Variants in SPRED3 observed in about 807,000 individuals in gnomAD.
SPRED3 encodes the protein sprouty-related, EVH1 domain-containing protein 3.
Under a neutral mutation model 37.6 loss-of-function variants are expected in SPRED3, and 23 were observed. That is an observed-to-expected ratio of 0.61 (90% CI 0.44 to 0.87). SPRED3 has a LOEUF of 0.87. SPRED3 is among the 40% of genes least tolerant of loss of function. SPRED3 has a pLI of 0.00. For synonymous variants in SPRED3, 302 were observed against 279.6 expected (o/e 1.08, Z -0.80); for missense variants, 584 against 618.6 (o/e 0.94, Z 0.59).
At position 38,398,170 on chromosome 19, in the gene SPRED3, C is replaced by A. The variant is rs2145165756; in HGVS notation, c.*2025C>A. ...TTCAAGCACAACCTTAATTCCTAGT[C>A]CAGGTTCAAGTCCCACCTTTTATGT... On this transcript the variant is annotated 3_prime_UTR_variant, in exon 6 of 6. Coordinates refer to ENST00000691638, the MANE Select transcript of SPRED3 (RefSeq NM_001394336.1). The A allele has an allele frequency of 6.6e-6, 1 of 152,386 alleles. No individual in the cohort carries two copies. The highest frequency in any genetic ancestry group is 3.4e-3 in the Middle Eastern group (1 of 294). 9.4% of individuals were successfully genotyped at this position (152,386 alleles called of 1,614,324 possible).
chr19:38,395,808 A>G lies in SPRED3; in HGVS notation c.896A>G (p.His299Arg). ...PEAEEAARCV[H>R]CRALFRRRAD... ...GCGGAGGAGGCAGCGCGCTGCGTGC[A>G]TTGCCGCGCGCTCTTCCGTCGCAGA... Residue 299 changes from histidine to arginine, a missense_variant, in exon 6 of 6, where the codon CAT (histidine) becomes CGT (arginine). Physicochemically the swap from His to Arg is conservative, Grantham distance 29 (BLOSUM62 0). This residue lies in a region of SPRED3 where 5 missense variants were observed against 19.3 expected (regional missense o/e 0.26). Transcript: ENST00000691638. This position sits in a 1 kb window ranked among gnomAD's most constrained non-coding sequence, Gnocchi z 5.2. 6.8e-7 allele frequency: 1 copy of G among 1,464,178 alleles called. No homozygotes were observed. 90.7% of individuals were successfully genotyped at this position (1,464,178 alleles called of 1,614,324 possible).
At chr19:38,389,078 C>T (rs926369786) in intron 1 of SPRED3, among the ~76,000 whole-genome samples, 1 of 152,236 alleles carries the variant, frequency 6.6e-6, no homozygotes, top group Non-Finnish European at 1.5e-5. Context: ...CCACTCCCCC[C>T]GGGGGACACA....
chr19:38,395,347 T>C lies in SPRED3; in HGVS notation c.568-133T>C. ...TCTGTCCCTGGAGAAAAGTGGGGAT[T>C]GAGGGACCTTGGGAGAGAAGCAAGC... On this transcript the variant is annotated intron_variant, in intron 5 of 5. Transcript: ENST00000691638. This position sits in a 1 kb window ranked among gnomAD's most constrained non-coding sequence, Gnocchi z 5.2. The C allele has an allele frequency of 1.3e-5, 11 of 840,472 alleles. No homozygotes were observed. Among genetic ancestry groups the C allele is most frequent in the Non-Finnish European group, 1.9e-5 (11 of 588,364 alleles). The allele number at this position is 840,472 out of a possible 1,614,324, so 52.1% of individuals were successfully genotyped here.
Position 38,390,462 on chromosome 19 carries a change from C to G in SPRED3, c.160C>G (p.Arg54Gly). Residue 54 changes from arginine to glycine, a missense_variant, in exon 2 of 6, where the codon CGC becomes GGC. By Grantham distance (125) the Arg-to-Gly change is moderately radical. This residue lies in a region of SPRED3 where 88 missense variants were observed against 77.0 expected (regional missense o/e 1.14). Transcript: ENST00000691638. The part of the protein sequence containing the change: ...RQGHYVIHGE[R>G]LRDQKTTLEC... ...GGGGCACTACGTCATCCACGGGGAACGCCTCCGGGACCAGAAAGTGAGCCA... is the reference window on the plus strand; with the variant it reads ...GGGGCACTACGTCATCCACGGGGAAGGCCTCCGGGACCAGAAAGTGAGCCA... 7.3e-7 allele frequency: 1 copy of G among 1,369,276 alleles called. No individual in the cohort carries two copies. The highest frequency in any genetic ancestry group is 9.5e-7 in the Non-Finnish European group (1 of 1,057,492). The allele number at this position is 1,369,276 out of a possible 1,614,324, so 84.8% of individuals were successfully genotyped here.
chr19:38,396,133 G>A lies in SPRED3; in HGVS notation c.1221G>A (p.Glu407=). 1.6e-6 allele frequency: 2 copies of A among 1,278,580 alleles called. No individual in the cohort carries two copies. The highest frequency in any genetic ancestry group is 2.0e-6 in the Non-Finnish European group (2 of 1,016,054). 79.2% of individuals were successfully genotyped at this position (1,278,580 alleles called of 1,614,324 possible). Residue 407 remains glutamate (E), a synonymous_variant, in exon 6 of 6, where the codon GAG becomes GAA. Transcript: ENST00000691638. ...CCGGCTGCGGGGGTCGCCACGAGGAGGCTGCGCGGTGAGGACGGCCTGGTG... is the reference window on the plus strand; with the variant it reads ...CCGGCTGCGGGGGTCGCCACGAGGAAGCTGCGCGGTGAGGACGGCCTGGTG... The part of the protein sequence containing the change: ...GCAGCGGRHE[E]AAR
rs770428195 is a variant in SPRED3 at position 38,390,443 on chromosome 19, C to T, written c.141C>T (p.His47=). 13 of 1,401,998 alleles carry T rather than the reference C, an allele frequency of 9.3e-6. No homozygotes were observed. In the African/African-American group the frequency reaches 1.8e-4, roughly 20 times the overall value. 86.8% of individuals were successfully genotyped at this position (1,401,998 alleles called of 1,614,324 possible). A position where few individuals can be genotyped will look rare whatever the true frequency, so the allele number is the denominator to read the frequency against. ...CCGAGGGGGGGGCCCGCCAGGGGCA[C>T]TACGTCATCCACGGGGAACGCCTCC... ...ARPEGGARQG[H]YVIHGERLRD... Residue 47 remains histidine, a synonymous_variant, in exon 2 of 6, where the codon CAC becomes CAT. Transcript: ENST00000691638.
chr19:38,389,460 C>T (rs1389701982), intron 1 of SPRED3, among the ~76,000 whole-genome samples: 1 of 77,840 alleles, frequency 1.3e-5, no homozygotes, highest in Non-Finnish European at 2.6e-5. Context: ...AGCTGGGGGG[C>T]GGGGTAAAAT....
rs551227414 is a variant in SPRED3 at position 38,394,256 on chromosome 19, G to A, written c.424-387G>A. The A allele has an allele frequency of 1.4e-4, 190 of 1,377,036 alleles. 1 individual carries two copies. The Admixed American group carries it at 3.5e-3, about 26-fold the overall frequency. The allele number at this position is 1,377,036 out of a possible 1,614,324, so 85.3% of individuals were successfully genotyped here. On this transcript the variant is annotated intron_variant, in intron 4 of 5. Transcript: ENST00000691638. ...GAGGAAGGCAGCTGGCTGCCCAGGG[G>A]AGAGGGATTCTGAGAAGCGGGAAGA...
intron 2 of SPRED3, among the ~76,000 whole-genome samples, chr19:38,390,698 C>G (rs948673719): frequency 6.6e-6 from 1 of 151,832 alleles, no homozygotes; most frequent in African/African-American, 2.4e-5. Flanking sequence ...GCCAGACTAT[C>G]CTCGCTGTCT....
At chr19:38,390,590 G>C (rs908168255) in intron 2 of SPRED3, 111 bp downstream of exon 2, 1 of 922,796 alleles carries the variant, frequency 1.1e-6, no homozygotes, top group East Asian at 3.3e-5. Context: ...ATCAAGCTGG[G>C]GTGTGAAGTT....
chr19:38,391,546 G>A (rs144676989), intron 2 of SPRED3, among the ~76,000 whole-genome samples: 286 of 152,158 alleles, frequency 1.9e-3, no homozygotes, highest in African/African-American at 6.7e-3. Flanking sequence ...GGAGGTATTA[G>A]GAAAATGTAG....
At chr19:38,393,268 A>G (rs985729303) in intron 4 of SPRED3, among the ~76,000 whole-genome samples, 1 of 151,864 alleles carries the variant, frequency 6.6e-6, no homozygotes, top group Non-Finnish European at 1.5e-5. Context: ...CAATCTGCCA[A>G]TGCCCCTTGT....
intron 4 of SPRED3, among the ~76,000 whole-genome samples, chr19:38,392,979 C>CA (rs1301341442): frequency 6.6e-6 from 1 of 152,206 alleles, no homozygotes; most frequent in Non-Finnish European, 1.5e-5. Context: ...AAGTAAAGGA[C>CA]AAAGTCCTTA....
chr19:38,390,917 C>A (rs1159830802), intron 2 of SPRED3, among the ~76,000 whole-genome samples: 1 of 152,100 alleles, frequency 6.6e-6, no homozygotes, highest in Non-Finnish European at 1.5e-5. Context: ...TTGAAAGTGT[C>A]AGAGATGGTT....
chr19:38,399,295 CAG>C lies in SPRED3; in HGVS notation c.*3151_*3152del. On this transcript the variant is annotated 3_prime_UTR_variant, in exon 6 of 6. Coordinates refer to ENST00000691638, the MANE Select transcript of SPRED3 (RefSeq NM_001394336.1). ...TGATTCCCCTTCATTGCCCCCAAAT[CAG>C]GGGTACATGGAGGGCCGCCCTGGGA... 1 of 152,282 alleles carries C rather than the reference CAG, an allele frequency of 6.6e-6. No homozygotes were observed. Among genetic ancestry groups the C allele is most frequent in the East Asian group, 1.9e-4 (1 of 5,202 alleles). The allele number at this position is 152,282 out of a possible 1,614,324, so 9.4% of individuals were successfully genotyped here. A position where few individuals can be genotyped will look rare whatever the true frequency, so the allele number is the denominator to read the frequency against.
chr19:38,396,272 A>G lies in SPRED3; in HGVS notation c.*127A>G, dbSNP rs1220798211. 8 of 682,674 alleles carry G rather than the reference A, an allele frequency of 1.2e-5. No individual in the cohort carries two copies. The East Asian group carries it at 2.7e-4, about 23-fold the overall frequency. 42.3% of individuals were successfully genotyped at this position (682,674 alleles called of 1,614,324 possible). On this transcript the variant is annotated 3_prime_UTR_variant, in exon 6 of 6. Coordinates refer to ENST00000691638, the MANE Select transcript of SPRED3 (RefSeq NM_001394336.1). ...GAACTTGGAGCTTGAGTTTGGATTG[A>G]GAGATCTCAGACCTGGAACCTGGAA...
intron 2 of SPRED3, among the ~76,000 whole-genome samples, chr19:38,391,732 C>T (rs2145153551): frequency 6.6e-6 from 1 of 152,218 alleles, no homozygotes; most frequent in Middle Eastern, 3.4e-3. Flanking sequence ...CACTGCACTC[C>T]AGCCTGGGTG....
chr19:38,394,486 C>T (rs1335516217), intron 4 of SPRED3, 157 bp from the exon 5 acceptor site: 4 of 1,503,652 alleles, frequency 2.7e-6, no homozygotes, highest in African/African-American at 2.8e-5. Context: ...GGTGAGCTCA[C>T]TTGCCGGAGG....
In SPRED3 at chr19:38,390,452, C is replaced by CCA; in HGVS notation, c.152_153dup (p.Gly52ThrfsTer16). 1 of 1,391,764 alleles carries CCA rather than the reference C, an allele frequency of 7.2e-7. No individual in the cohort carries two copies. Among genetic ancestry groups the CCA allele is most frequent in the South Asian group, 1.8e-5 (1 of 55,198 alleles). The allele number at this position is 1,391,764 out of a possible 1,614,324, so 86.2% of individuals were successfully genotyped here. A position where few individuals can be genotyped will look rare whatever the true frequency, so the allele number is the denominator to read the frequency against. On this transcript the variant is annotated frameshift_variant, in exon 2 of 6. Transcript: ENST00000691638. LOFTEE classifies it high-confidence loss of function. ...GGGCCCGCCAGGGGCACTACGTCATCCACGGGGAACGCCTCCGGGACCAGA... is the reference window on the plus strand; with the variant it reads ...GGGCCCGCCAGGGGCACTACGTCATCCACACGGGGAACGCCTCCGGGACCAGA...
Sources: gnomAD v4.1 joint callset for allele counts (sites outside exome capture counted in the v4.1 genomes callset) on GRCh38, gnomAD v4.1.1 for gene constraint, gnomAD v4.1.1 regional missense constraint, Gnocchi (gnomAD v3.1) non-coding constraint, MANE v1.5 for transcripts, NCBI Gene and HGNC (gene_info 2026-07-23, HGNC 2026-07-21) for gene names.